The following PCDHA6 variants were observed in gnomAD, a reference collection of about 807,000 sequenced individuals.
The protein encoded by PCDHA6 is protocadherin alpha-6.
A neutral mutation model predicts 60.3 loss-of-function variants in PCDHA6; 55 were observed. The observed-to-expected ratio is 0.91, with a 90% CI of 0.73 to 1.14. PCDHA6 has a LOEUF of 1.14. Among genes scored for constraint, PCDHA6 ranks in the 50% most tolerant of loss-of-function variants. The pLI is 0.00. For missense variants in PCDHA6, 1,327 were observed against 1,256.5 expected, an observed-to-expected ratio of 1.06 and a Z score of -0.85; for synonymous variants, 652 against 557.9, an observed-to-expected ratio of 1.17 and a Z score of -2.38.
At chr5:140,868,397 GATATGAA>G (rs1182982921) in intron 1 of PCDHA6, 2 of 152,062 alleles carry the variant, frequency 1.3e-5, no homozygotes, top group African/African-American at 2.4e-5. Flanking sequence ...ATAGAAAATA[GATATGAA>G]AATGCAAGCC....
chr5:140,882,562 G>A, intron 1 of PCDHA6: 1 of 1,614,252 alleles, frequency 6.2e-7, no homozygotes, highest in Non-Finnish European at 8.5e-7. Flanking sequence ...TGTGTGGGCG[G>A]AGCGCGGAGT....
intron 1 of PCDHA6, among the ~76,000 whole-genome samples, chr5:140,838,702 G>A (rs1775843777): frequency 6.6e-6 from 1 of 152,008 alleles, no homozygotes; most frequent in South Asian, 2.1e-4. Context: ...TCGGGAGGCC[G>A]AGGCAGGAGG....
At chr5:140,944,344 C>T (rs567913669) in intron 1 of PCDHA6, among the ~76,000 whole-genome samples, 5 of 152,238 alleles carry the variant, frequency 3.3e-5, no homozygotes, top group Admixed American at 2.0e-4. Context: ...CGTGCCACCA[C>T]ACCTGGCTAA....
At chr5:140,848,916 T>C (rs1389389482) in intron 1 of PCDHA6, 1 of 1,607,882 alleles carries the variant, frequency 6.2e-7, no homozygotes, top group South Asian at 1.1e-5. Context: ...AAAGAATCTG[T>C]TCATCGCGGA....
At chr5:140,836,986 CTT>C (rs1370800263) in intron 1 of PCDHA6, 2 of 355,684 alleles carry the variant, frequency 5.6e-6, no homozygotes, top group Non-Finnish European at 9.9e-6. Context: ...TGGAGGAGGA[CTT>C]TGCTAACTGG....
At chr5:140,930,002 C>T (rs1304233576) in intron 1 of PCDHA6, 4 of 152,196 alleles carry the variant, frequency 2.6e-5, no homozygotes, top group African/African-American at 9.6e-5. Flanking sequence ...CACCCTAAAA[C>T]ATAGCTGATA....
intron 1 of PCDHA6, chr5:140,927,673 G>C: frequency 6.2e-7 from 1 of 1,614,224 alleles, no homozygotes; most frequent in Non-Finnish European, 8.5e-7. Flanking sequence ...CTTGGATCCA[G>C]ATGAAGGGTC....
intron 1 of PCDHA6, chr5:140,870,636 G>C (rs2153249494): frequency 6.2e-7 from 1 of 1,612,910 alleles, no homozygotes; most frequent in Non-Finnish European, 8.5e-7. Context: ...CGGTGCACGC[G>C]GAGAGCGGCA....
At chr5:140,882,481 C>A in intron 1 of PCDHA6, 1 of 1,614,038 alleles carries the variant, frequency 6.2e-7, no homozygotes, top group Non-Finnish European at 8.5e-7. Flanking sequence ...CCAAAAGACA[C>A]GGGGACCTTC....
rs1016261014 is a variant in PCDHA6 at position 140,830,559 on chromosome 5, A to G, written c.2394+74A>G. ...ATTGTTTTCCTCATATTTGTCTTCT[A>G]TATTTCTGTTTTTAATTTTTAATTA... On this transcript the variant is annotated intron_variant, in intron 1 of 3. Transcript: ENST00000529310. 69 of 1,015,108 alleles carry G rather than the reference A, an allele frequency of 6.8e-5. 1 individual carries two copies. Among genetic ancestry groups the G allele is most frequent in the African/African-American group, 1.5e-4 (9 of 59,492 alleles). The allele number at this position is 1,015,108 out of a possible 1,614,324, so 62.9% of individuals were successfully genotyped here.
At chr5:140,928,139 C>T in intron 1 of PCDHA6, 2 of 1,614,174 alleles carry the variant, frequency 1.2e-6, no homozygotes, top group Non-Finnish European at 8.5e-7. Flanking sequence ...GTCCTGATCA[C>T]GGCCTCAGAT....
chr5:140,902,185 T>TTCTC (rs370111655), intron 1 of PCDHA6, among the ~76,000 whole-genome samples: 1 of 150,794 alleles, frequency 6.6e-6, no homozygotes, highest in African/African-American at 2.4e-5. Context: ...CCTTTATGTC[T>TTCTC]TCTCTCTCTC....
chr5:140,866,006 A>AT (rs879985909), intron 1 of PCDHA6: 11 of 151,858 alleles, frequency 7.2e-5, no homozygotes, highest in East Asian at 1.9e-4. Context: ...ATGTTAAGTG[A>AT]TTTTTTTCTT....
chr5:140,882,126 T>C, intron 1 of PCDHA6: 1 of 1,466,718 alleles, frequency 6.8e-7, no homozygotes, highest in East Asian at 2.3e-5. Flanking sequence ...GTTTCTTTCT[T>C]CCTGCAGAAA....
rs1472597239 is a variant in PCDHA6, at chr5:140,928,524, TG to T, written c.2395-50424del. 16 of 1,614,070 alleles carry T rather than the reference TG, an allele frequency of 9.9e-6. No individual in the cohort carries two copies. The African/African-American group carries it at 2.1e-4, about 22-fold the overall frequency. On this transcript the variant is annotated intron_variant, in intron 1 of 3. Transcript: ENST00000529310. Reference sequence around the variant, plus strand: ...GTGCAACAGTGACTATAAACTTGTTTGTGGTAGATAGGAATGACAATTATCC... The same window carrying T: ...GTGCAACAGTGACTATAAACTTGTTTTGGTAGATAGGAATGACAATTATCC...
At chr5:140,910,891 C>T (rs1273456408) in intron 1 of PCDHA6, among the ~76,000 whole-genome samples, 1 of 152,176 alleles carries the variant, frequency 6.6e-6, no homozygotes, top group Admixed American at 6.5e-5. Context: ...ATATCCATTC[C>T]TATGCCTGTC....
Position 140,829,639 on chromosome 5 carries a change from G to A in PCDHA6, c.1548G>A (p.Lys516=), listed in dbSNP as rs1431556203. The A allele has an allele frequency of 6.2e-7, 1 of 1,612,256 alleles. No homozygotes were observed. The highest frequency in any genetic ancestry group is 1.3e-5 in the African/African-American group (1 of 74,896). ...SYISVHAESG[K]VYALQPLDHE... is the part of the protein sequence containing the mutation. ...TTTCGGTGCACGCGGAGAGCGGCAAGGTGTACGCGCTGCAGCCGCTGGACC... is the reference window on the plus strand; with the variant it reads ...TTTCGGTGCACGCGGAGAGCGGCAAAGTGTACGCGCTGCAGCCGCTGGACC... Residue 516 remains lysine, a synonymous_variant, in exon 1 of 4, where the codon AAG becomes AAA. Coordinates refer to ENST00000529310, the MANE Select transcript of PCDHA6 (RefSeq NM_018909.4).
At chr5:140,836,777 C>T (rs2150269784) in intron 1 of PCDHA6, 2 of 1,480,486 alleles carry the variant, frequency 1.4e-6, no homozygotes, top group Non-Finnish European at 1.8e-6. Context: ...AATTTTAAAA[C>T]AATTAGTTCA....
At chr5:140,882,252 G>C (rs782433822) in intron 1 of PCDHA6, 1 of 1,597,600 alleles carries the variant, frequency 6.3e-7, no homozygotes, top group Non-Finnish European at 8.5e-7. Context: ...ATAGCTCTGA[G>C]GTTTTTGGAG....
Sources: allele counts gnomAD v4.1 joint callset (sites outside exome capture counted in the v4.1 genomes callset), GRCh38; gene constraint gnomAD v4.1.1; transcripts MANE v1.5; gene names NCBI Gene and HGNC (gene_info 2026-07-23, HGNC 2026-07-21).